The following NRXN3 variants were observed in gnomAD, a reference collection of about 807,000 sequenced individuals.
The protein encoded by NRXN3 is neurexin III.
In NRXN3, 32 loss-of-function variants were observed where a neutral mutation model predicts 137.6. That is an observed-to-expected ratio of 0.23 (90% CI 0.18 to 0.31). NRXN3 has a LOEUF of 0.31. Among genes scored for constraint, NRXN3 ranks in the 10% least tolerant of loss-of-function variants. The probability of loss-of-function intolerance (pLI) is 1.00; values close to 1 mark genes in which losing one functional copy is unlikely to be tolerated. For synonymous variants in NRXN3, 798 were observed against 784.5 expected (o/e 1.02, Z -0.29); for missense variants, 1,574 against 2,062.5 (o/e 0.76, Z 4.59).
chr14:78,469,270 C>T (rs747262931), intron 4 of NRXN3, among the ~76,000 whole-genome samples: 4 of 152,070 alleles, frequency 2.6e-5, no homozygotes. Context: ...ACGTTAGAAT[C>T]ACCTGGAAGC....
intron 4 of NRXN3, among the ~76,000 whole-genome samples, chr14:78,530,496 C>T (rs2096445763): frequency 6.6e-6 from 1 of 152,138 alleles, no homozygotes; most frequent in South Asian, 2.1e-4. Context: ...AAAGGGTTGC[C>T]CTGGAAATTG....
At chr14:78,192,105 T>TGAGAGA (rs1333815025) in intron 1 of NRXN3, among the ~76,000 whole-genome samples, 15 of 136,462 alleles carry the variant, frequency 1.1e-4, no homozygotes, top group African/African-American at 4.1e-4. Flanking sequence ...TGTGTGTGTG[T>TGAGAGA]GTGAGAGAGA....
intron 16 of NRXN3, among the ~76,000 whole-genome samples, chr14:79,627,862 T>A (rs527852424): frequency 7.2e-5 from 11 of 152,310 alleles, no homozygotes; most frequent in African/African-American, 1.9e-4. Flanking sequence ...TTACTTTTTT[T>A]ATAGTATATA....
At chr14:78,203,991 C>T (rs180698266) in intron 1 of NRXN3, among the ~76,000 whole-genome samples, 14 of 151,768 alleles carry the variant, frequency 9.2e-5, no homozygotes. Context: ...TGTTACTGTG[C>T]CAGTAGGTAT....
chr14:79,838,036 C>T (rs2099347923), intron 20 of NRXN3, among the ~76,000 whole-genome samples: 1 of 152,026 alleles, frequency 6.6e-6, no homozygotes, highest in South Asian at 2.1e-4. Flanking sequence ...CAGTGTGTTC[C>T]TAGTGAGTTG....
At chr14:78,207,095 C>A (rs1220783568) in intron 1 of NRXN3, among the ~76,000 whole-genome samples, 2 of 152,090 alleles carry the variant, frequency 1.3e-5, no homozygotes, top group African/African-American at 2.4e-5. Context: ...AACTCCTGAC[C>A]TCAAGTGATC....
intron 15 of NRXN3, among the ~76,000 whole-genome samples, chr14:79,428,821 A>G (rs984025155): frequency 6.6e-6 from 1 of 152,244 alleles, no homozygotes; most frequent in African/African-American, 2.4e-5. Context: ...AGCAGATTCT[A>G]TAAAATCCTG....
chr14:79,421,123 T>C (rs995405229), intron 15 of NRXN3, among the ~76,000 whole-genome samples: 2 of 152,196 alleles, frequency 1.3e-5, no homozygotes, highest in African/African-American at 4.8e-5. Flanking sequence ...GAGGTATACA[T>C]TATATTTTTA....
At chr14:78,946,302 A>G (rs577820272) in intron 10 of NRXN3, among the ~76,000 whole-genome samples, 1 of 152,308 alleles carries the variant, frequency 6.6e-6, no homozygotes, top group African/African-American at 2.4e-5. Flanking sequence ...GTCTTGGTCT[A>G]TGCCTTATGG....
At chr14:78,892,774 C>CTGTGTG (rs58718552) in intron 10 of NRXN3, among the ~76,000 whole-genome samples, 1,538 of 140,128 alleles carry the variant, frequency 0.011, 24 homozygotes, top group African/African-American at 0.03. Context: ...CCCCCATCTT[C>CTGTGTG]TGTGTGTGTG....
intron 4 of NRXN3, among the ~76,000 whole-genome samples, chr14:78,560,837 A>G (rs2096779837): frequency 6.6e-6 from 1 of 152,180 alleles, no homozygotes. Context: ...GTCTTGTACT[A>G]CTATTTCCTG....
intron 8 of NRXN3, among the ~76,000 whole-genome samples, chr14:78,737,974 C>G (rs151050658): frequency 2.0e-5 from 3 of 152,174 alleles, no homozygotes; most frequent in Non-Finnish European, 4.4e-5. Context: ...CAACGGAAGC[C>G]AATGGGGCCA....
chr14:78,905,587 G>A (rs184597543), intron 10 of NRXN3, among the ~76,000 whole-genome samples: 1 of 151,922 alleles, frequency 6.6e-6, no homozygotes, highest in East Asian at 1.9e-4. Flanking sequence ...TTACCAATTT[G>A]CAAAGGAGAA....
rs866521999 is a variant in NRXN3 at position 79,803,913 on chromosome 14, G to A, written c.4015-1199G>A. ...AAAGTGTGTGTGTATATATATATAT[G>A]TATATATATATATGTGTGTGTATAT... On this transcript the variant is annotated intron_variant, in intron 19 of 20. Coordinates refer to ENST00000335750, the MANE Select transcript of NRXN3 (RefSeq NM_001330195.2). Among the ~76,000 whole-genome samples the A allele has an allele frequency of 3.0e-3, 413 of 139,328 alleles. 3 individuals are homozygous for A. The highest frequency in any genetic ancestry group is 0.011 in the African/African-American group (395 of 36,584). The allele number at this position is 139,328 out of a possible 152,430, so 91.4% of individuals were successfully genotyped here. A position where few individuals can be genotyped will look rare whatever the true frequency, so the allele number is the denominator to read the frequency against.
intron 15 of NRXN3, among the ~76,000 whole-genome samples, chr14:79,360,702 G>C (rs1260650691): frequency 1.3e-5 from 2 of 152,148 alleles, no homozygotes; most frequent in Admixed American, 1.3e-4. Context: ...AACAATCTGA[G>C]TATGGCTAAA....
At chr14:79,535,756 T>C (rs2097205357) in intron 16 of NRXN3, among the ~76,000 whole-genome samples, 1 of 152,166 alleles carries the variant, frequency 6.6e-6, no homozygotes, top group South Asian at 2.1e-4. Context: ...TAAGTGATGA[T>C]GCCAAGGATT....
At chr14:78,410,997 G>A (rs1182822239) in intron 4 of NRXN3, among the ~76,000 whole-genome samples, 2 of 152,102 alleles carry the variant, frequency 1.3e-5, no homozygotes, top group African/African-American at 4.8e-5. Flanking sequence ...ACTTAATCTC[G>A]CTGGGTCTAG....
chr14:79,093,827 G>A (rs1214671856), intron 15 of NRXN3, among the ~76,000 whole-genome samples: 2 of 152,070 alleles, frequency 1.3e-5, no homozygotes, highest in African/African-American at 2.4e-5. Context: ...CAGAGTATGG[G>A]GCCTGGTCTA....
chr14:79,727,908 CA>C (rs1300853932), intron 19 of NRXN3, among the ~76,000 whole-genome samples: 3 of 152,184 alleles, frequency 2.0e-5, no homozygotes, highest in Non-Finnish European at 4.4e-5. Flanking sequence ...GTCACCTCCT[CA>C]GAGCCCTGGA....
Sources: allele counts gnomAD v4.1 joint callset (sites outside exome capture counted in the v4.1 genomes callset), GRCh38; gene constraint gnomAD v4.1.1; transcripts MANE v1.5; gene names NCBI Gene and HGNC (gene_info 2026-07-23, HGNC 2026-07-21).